Variants in EXOC4 observed in about 807,000 individuals in gnomAD.
EXOC4 encodes SEC8-like 1.
A neutral mutation model predicts 107.2 loss-of-function variants in EXOC4; 71 were observed. The ratio of observed to expected loss-of-function variants is 0.66; its 90% CI spans 0.55 to 0.81. The LOEUF (loss-of-function observed/expected upper bound fraction) is 0.81. Ranked by LOEUF, EXOC4 falls within the 30% of genes least tolerant of loss-of-function variation. EXOC4 has a pLI of 0.00. For missense variants in EXOC4, 1,108 were observed against 1,189.6 expected (o/e 0.93, Z 1.01); for synonymous variants, 456 against 441.2 (o/e 1.03, Z -0.42).
At chr7:133,538,233 C>T (rs142857936) in intron 9 of EXOC4, among the ~76,000 whole-genome samples, 2,383 of 152,188 alleles carry the variant, frequency 0.016, 34 homozygotes, top group Non-Finnish European at 0.022. Context: ...ACTGAATTAT[C>T]AAAATTCTTT....
In EXOC4 at chr7:133,419,966, T is replaced by TC. The variant is rs1400577477; in HGVS notation, c.1182+44964_1182+44965insC. On this transcript the variant is annotated intron_variant, in intron 7 of 17. Coordinates refer to ENST00000253861, the MANE Select transcript of EXOC4 (RefSeq NM_021807.4). ...AACTGAGGAAGAGTCTGCTTCTTCT[T>TC]TTTTTTTTTTTTTTTTATTATACTT... is the stretch of plus-strand genomic sequence containing the variant. Among the ~76,000 whole-genome samples, 90 of 39,330 alleles carry TC rather than the reference T, an allele frequency of 2.3e-3. 1 individual carries two copies. Among genetic ancestry groups the TC allele is most frequent in the Middle Eastern group, 8.9e-3 (1 of 112 alleles). 25.8% of individuals were successfully genotyped at this position (39,330 alleles called of 152,430 possible).
chr7:133,559,753 A>G (rs893538067), intron 9 of EXOC4, among the ~76,000 whole-genome samples: 10 of 152,022 alleles, frequency 6.6e-5, no homozygotes, highest in African/African-American at 2.2e-4. Flanking sequence ...TCTTTTTCAT[A>G]TATCGGCTTC....
At chr7:133,530,458 G>A (rs531924403) in intron 9 of EXOC4, among the ~76,000 whole-genome samples, 1 of 152,194 alleles carries the variant, frequency 6.6e-6, no homozygotes, top group South Asian at 2.1e-4. Flanking sequence ...GCATGTTATT[G>A]TACTGAATAG....
At chr7:133,695,056 A>G (rs934240668) in intron 10 of EXOC4, among the ~76,000 whole-genome samples, 2 of 152,154 alleles carry the variant, frequency 1.3e-5, no homozygotes, top group Admixed American at 6.5e-5. Flanking sequence ...TCCTGACCTC[A>G]GGTAATCGGC....
Position 133,688,621 on chromosome 7 carries a change from A to T in EXOC4, c.1514+58480A>T, listed in dbSNP as rs1013676717. On this transcript the variant is annotated intron_variant, in intron 10 of 17. Coordinates refer to ENST00000253861, the MANE Select transcript of EXOC4 (RefSeq NM_021807.4). ...TTAAACAAGTAAATTATCTTTCAGT[A>T]TTGGCAAAAAATGTAGTTTGTCTGC... Among the ~76,000 whole-genome samples the T allele has an allele frequency of 2.0e-5, 3 of 152,200 alleles. No homozygotes were observed. In the South Asian group the frequency reaches 6.2e-4, roughly 31 times the overall value.
chr7:134,057,381 A>C (rs894447812), intron 17 of EXOC4, among the ~76,000 whole-genome samples: 1 of 151,642 alleles, frequency 6.6e-6, no homozygotes, highest in Admixed American at 6.6e-5. Flanking sequence ...AAAAACAAAA[A>C]ACTGTCCTGA....
chr7:133,403,422 T>C (rs1334012440), intron 7 of EXOC4, among the ~76,000 whole-genome samples: 1 of 152,200 alleles, frequency 6.6e-6, no homozygotes, highest in East Asian at 1.9e-4. Flanking sequence ...CGGGCCATCA[T>C]GTTTGACCCA....
intron 7 of EXOC4, among the ~76,000 whole-genome samples, chr7:133,468,434 T>C (rs1240737895): frequency 6.6e-6 from 1 of 152,220 alleles, no homozygotes; most frequent in African/African-American, 2.4e-5. Context: ...GTTATTAACA[T>C]TCTATTCATA....
In EXOC4 at chr7:134,064,426, A is replaced by G; in HGVS notation, c.2823A>G (p.Glu941=). ...ACCGCAGCCAGACTGGGGTGGGGGAACTGACCACCCAGAACACGAGGCTGC... is the reference window on the plus strand; with the variant it reads ...ACCGCAGCCAGACTGGGGTGGGGGAGCTGACCACCCAGAACACGAGGCTGC... ...LLHRSQTGVG[E]LTTQNTRLQR... is the part of the protein sequence containing the mutation. The change falls in exon 18 of 18, where the codon GAA becomes GAG. Residue 941 remains glutamate, a synonymous_variant. Coordinates refer to ENST00000253861, the MANE Select transcript of EXOC4 (RefSeq NM_021807.4). 1 of 1,608,850 alleles carries G rather than the reference A, an allele frequency of 6.2e-7. No individual in the cohort carries two copies. The highest frequency in any genetic ancestry group is 2.2e-5 in the East Asian group (1 of 44,590).
At chr7:133,315,007 A>T (rs1794957857) in intron 4 of EXOC4, 1 of 152,640 alleles carries the variant, frequency 6.6e-6, no homozygotes, top group Non-Finnish European at 1.5e-5. Flanking sequence ...ACATCCATAG[A>T]TGAAGAACCC....
intron 4 of EXOC4, among the ~76,000 whole-genome samples, chr7:133,308,936 A>G (rs1016699881): frequency 2.0e-5 from 3 of 152,120 alleles, no homozygotes; most frequent in Non-Finnish European, 4.4e-5. Context: ...ATATAGCTAG[A>G]GGGTGTTTAG....
Position 133,253,486 on chromosome 7 carries a change from G to A in EXOC4, c.86+299G>A, listed in dbSNP as rs1234756565. On this transcript the variant is annotated intron_variant, in intron 1 of 17. Transcript: ENST00000253861. ...ATTTGGGTTTGGTAGAGAAAACCAG[G>A]TGTAAAGGTGTGTTTATTGATTCCT... 1.4e-5 allele frequency: 16 copies of A among 1,121,602 alleles called. No individual in the cohort carries two copies. The Admixed American group carries it at 5.5e-4, about 38-fold the overall frequency. 69.5% of individuals were successfully genotyped at this position (1,121,602 alleles called of 1,614,324 possible).
At chr7:133,371,541 A>G (rs950275916) in intron 6 of EXOC4, among the ~76,000 whole-genome samples, 1 of 152,206 alleles carries the variant, frequency 6.6e-6, no homozygotes, top group African/African-American at 2.4e-5. Context: ...TTTCAAGGTT[A>G]ATTCCAGTTG....
chr7:133,286,644 A>G (rs891788345), intron 2 of EXOC4, among the ~76,000 whole-genome samples: 1 of 152,190 alleles, frequency 6.6e-6, no homozygotes, highest in Non-Finnish European at 1.5e-5. Flanking sequence ...CACTATCTGT[A>G]TAGGTCTTCA....
chr7:133,798,695 C>T (rs1235534470), intron 10 of EXOC4, among the ~76,000 whole-genome samples: 1 of 152,124 alleles, frequency 6.6e-6, no homozygotes, highest in Non-Finnish European at 1.5e-5. Flanking sequence ...TGACCTCAGA[C>T]CCTGTGGCCT....
chr7:133,519,055 C>CTATT (rs1048081497), intron 9 of EXOC4, among the ~76,000 whole-genome samples: 35 of 152,198 alleles, frequency 2.3e-4, no homozygotes, highest in Admixed American at 2.2e-3. Flanking sequence ...TTGGCAACTT[C>CTATT]TAAATATCTA....
chr7:133,969,301 G>A (rs1163720249), intron 14 of EXOC4, among the ~76,000 whole-genome samples: 2 of 152,056 alleles, frequency 1.3e-5, no homozygotes, highest in Non-Finnish European at 2.9e-5. Flanking sequence ...CTTTACCTTG[G>A]AGGAGTTTGT....
chr7:133,665,603 C>T (rs1051414025), intron 10 of EXOC4, among the ~76,000 whole-genome samples: 1 of 152,118 alleles, frequency 6.6e-6, no homozygotes, highest in Admixed American at 6.6e-5. Flanking sequence ...GACACACATA[C>T]TATATTTTCA....
intron 5 of EXOC4, among the ~76,000 whole-genome samples, chr7:133,352,972 A>G (rs1795944192): frequency 6.6e-6 from 1 of 152,080 alleles, no homozygotes; most frequent in Admixed American, 6.5e-5. Flanking sequence ...TCACAGAATT[A>G]TATCTTTATA....
Sources: gnomAD v4.1 joint callset for allele counts (sites outside exome capture counted in the v4.1 genomes callset) on GRCh38, gnomAD v4.1.1 for gene constraint, MANE v1.5 for transcripts, NCBI Gene and HGNC (gene_info 2026-07-23, HGNC 2026-07-21) for gene names.